The following PCDHAC1 variants were observed in gnomAD, a reference collection of about 807,000 sequenced individuals.
PCDHAC1 encodes the protein protocadherin alpha subfamily C, 1, also known as protocadherin alpha-C1.
A neutral mutation model predicts 60.0 loss-of-function variants in PCDHAC1; 42 were observed. That is an observed-to-expected ratio of 0.70 (90% CI 0.55 to 0.90). The LOEUF is 0.90. Among genes scored for constraint, PCDHAC1 ranks in the 40% least tolerant of loss-of-function variants. The pLI, the probability that PCDHAC1 is intolerant of heterozygous loss-of-function variation, is 0.00. For missense variants in PCDHAC1, 1,160 were observed against 1,222.3 expected, an observed-to-expected ratio of 0.95 and a Z score of 0.76; for synonymous variants, 468 against 499.3, an observed-to-expected ratio of 0.94 and a Z score of 0.84.
At position 140,928,683 on chromosome 5, in the gene PCDHAC1, C is replaced by T. The variant is rs868920923; in HGVS notation, c.1791C>T (p.Ser597=). ...ACAGTGGTTCTAATGCCTGGCTTTC[C>T]TACCACATCTCCCGGGCGTCTGACT... ...DADSGSNAWL[S]YHISRASDSS... is the part of the protein sequence containing the mutation. The change falls in exon 1 of 4, where the codon TCC becomes TCT. Residue 597 remains serine, a synonymous_variant. Transcript: ENST00000253807. 3.7e-6 allele frequency: 6 copies of T among 1,614,172 alleles called. No individual in the cohort carries two copies. In the Middle Eastern group the frequency reaches 6.6e-4, roughly 178 times the overall value.
intron 1 of PCDHAC1, among the ~76,000 whole-genome samples, chr5:140,978,524 C>G (rs1554239389): frequency 2.0e-5 from 3 of 152,208 alleles, no homozygotes; most frequent in Admixed American, 6.5e-5. Context: ...TCCAGCCAGG[C>G]CAGCAGAACT....
Position 141,010,990 on chromosome 5 carries a change from A to G in PCDHAC1, c.*1053A>G, listed in dbSNP as rs1399914066. The stretch of plus-strand genomic sequence containing the variant: ...GTGCTTTAAGAGAATTGCCTGAAAC[A>G]TCTGTATTATATCGGCCACCTGCCA... On this transcript the variant is annotated 3_prime_UTR_variant, in exon 4 of 4. Transcript: ENST00000253807. The G allele has an allele frequency of 6.5e-6, 1 of 153,770 alleles. No individual in the cohort carries two copies. Among genetic ancestry groups the G allele is most frequent in the Non-Finnish European group, 1.5e-5 (1 of 68,054 alleles). 9.5% of individuals were successfully genotyped at this position (153,770 alleles called of 1,614,324 possible). A position where few individuals can be genotyped will look rare whatever the true frequency, so the allele number is the denominator to read the frequency against.
Position 140,926,793 on chromosome 5 carries a change from G to T in PCDHAC1, c.-100G>T, listed in dbSNP as rs2083556626. The T allele has an allele frequency of 1.4e-6, 2 of 1,444,034 alleles. No homozygotes were observed. The highest frequency in any genetic ancestry group is 5.5e-5 in the Admixed American group (2 of 36,616). The allele number at this position is 1,444,034 out of a possible 1,614,324, so 89.5% of individuals were successfully genotyped here. ...CGCAGCAGTGACGGCCGGCAGGAGC[G>T]TGCTCTTCCCCGCGGCTCGTGCTCT... On this transcript the variant is annotated 5_prime_UTR_variant, in exon 1 of 4. Coordinates refer to ENST00000253807, the MANE Select transcript of PCDHAC1 (RefSeq NM_018898.5).
In PCDHAC1 at chr5:141,010,605, A is replaced by G. The variant is rs2098417765; in HGVS notation, c.*668A>G. ...AAAGTCTGTTGGCTGTGACGTCATT[A>G]TACCTAAAATCTGCATCATACCTGC... On this transcript the variant is annotated 3_prime_UTR_variant, in exon 4 of 4. Transcript: ENST00000253807. 1 of 206,202 alleles carries G rather than the reference A, an allele frequency of 4.8e-6. No individual in the cohort carries two copies. Among genetic ancestry groups the G allele is most frequent in the Non-Finnish European group, 9.9e-6 (1 of 101,122 alleles). 12.8% of individuals were successfully genotyped at this position (206,202 alleles called of 1,614,324 possible). A position where few individuals can be genotyped will look rare whatever the true frequency, so the allele number is the denominator to read the frequency against.
intron 3 of PCDHAC1, among the ~76,000 whole-genome samples, chr5:140,983,005 A>G (rs1468544114): frequency 2.0e-5 from 3 of 152,110 alleles, no homozygotes; most frequent in African/African-American, 4.8e-5. Flanking sequence ...AAAGAAAGAA[A>G]AAGGAAGGAA....
chr5:140,965,193 A>G (rs1232668450), intron 1 of PCDHAC1, among the ~76,000 whole-genome samples: 1 of 152,252 alleles, frequency 6.6e-6, no homozygotes, highest in East Asian at 1.9e-4. Flanking sequence ...CACATGAGGC[A>G]ATAGATTTCA....
chr5:140,935,380 A>C (rs1188418457), intron 1 of PCDHAC1, among the ~76,000 whole-genome samples: 1 of 152,220 alleles, frequency 6.6e-6, no homozygotes, highest in Non-Finnish European at 1.5e-5. Context: ...AGAATTACTC[A>C]TTTGTTATCC....
chr5:140,960,597 C>T (rs1315375637), intron 1 of PCDHAC1, among the ~76,000 whole-genome samples: 1 of 152,092 alleles, frequency 6.6e-6, no homozygotes, highest in South Asian at 2.1e-4. Context: ...ATTCAAGGTA[C>T]TTCAACAATA....
chr5:140,961,477 G>T (rs2095615587), intron 1 of PCDHAC1, among the ~76,000 whole-genome samples: 1 of 152,006 alleles, frequency 6.6e-6, no homozygotes, highest in African/African-American at 2.4e-5. Flanking sequence ...TTTTTGTCTT[G>T]TCCACGTGAG....
chr5:140,935,996 G>A (rs145363850), intron 1 of PCDHAC1, among the ~76,000 whole-genome samples: 2 of 150,844 alleles, frequency 1.3e-5, no homozygotes, highest in African/African-American at 4.9e-5. Context: ...GGGTTCAAGC[G>A]ATTCTCCCAC....
chr5:140,993,596 A>G (rs562427268), intron 3 of PCDHAC1, among the ~76,000 whole-genome samples: 53 of 152,194 alleles, frequency 3.5e-4, no homozygotes, highest in Admixed American at 2.6e-4. Flanking sequence ...CTTGGCTCCA[A>G]TAGAGAATTT....
intron 1 of PCDHAC1, among the ~76,000 whole-genome samples, chr5:140,938,848 G>T (rs1554212426): frequency 6.6e-6 from 1 of 151,980 alleles, no homozygotes; most frequent in Non-Finnish European, 1.5e-5. Flanking sequence ...ACCTGCCCAT[G>T]TACCCCTGAA....
chr5:141,002,612 CA>C, intron 3 of PCDHAC1, among the ~76,000 whole-genome samples: 1 of 152,178 alleles, frequency 6.6e-6, no homozygotes, highest in Non-Finnish European at 1.5e-5. Flanking sequence ...AAAACAGACA[CA>C]TAACACAGAC....
At chr5:141,000,410 TA>T (rs2097918693) in intron 3 of PCDHAC1, among the ~76,000 whole-genome samples, 2 of 101,940 alleles carry the variant, frequency 2.0e-5, no homozygotes, top group African/African-American at 7.8e-5. Flanking sequence ...TATATATATA[TA>T]TATATATATA....
intron 1 of PCDHAC1, among the ~76,000 whole-genome samples, chr5:140,954,472 G>T (rs1031225118): frequency 8.5e-5 from 13 of 152,182 alleles, no homozygotes; most frequent in Admixed American, 6.5e-5. Context: ...TCTGACTGGT[G>T]TGAGAAGATA....
chr5:141,003,511 C>T (rs2098128112), intron 3 of PCDHAC1, among the ~76,000 whole-genome samples: 2 of 152,114 alleles, frequency 1.3e-5, no homozygotes, highest in African/African-American at 4.8e-5. Flanking sequence ...TGGGGTTTCA[C>T]CATGTTCCCT....
intron 1 of PCDHAC1, among the ~76,000 whole-genome samples, chr5:140,970,569 C>T (rs1346474165): frequency 3.9e-5 from 6 of 152,038 alleles, no homozygotes; most frequent in African/African-American, 1.4e-4. Flanking sequence ...CATATGTATG[C>T]TTGAAATAAC....
chr5:140,941,936 T>G (rs901567070), intron 1 of PCDHAC1, among the ~76,000 whole-genome samples: 7 of 152,362 alleles, frequency 4.6e-5, no homozygotes, highest in Non-Finnish European at 7.3e-5. Flanking sequence ...ATATTTGAAT[T>G]ACTTTTGTTT....
At position 141,010,147 on chromosome 5, in the gene PCDHAC1, C is replaced by A; in HGVS notation, c.*210C>A. ...AAGTCTGGTGTTAACTCTTTCTCTC[C>A]ACTCTGGCTTGTTTTCAGAACCTAA... On this transcript the variant is annotated 3_prime_UTR_variant, in exon 4 of 4. Coordinates refer to ENST00000253807, the MANE Select transcript of PCDHAC1 (RefSeq NM_018898.5). 1 of 1,583,190 alleles carries A rather than the reference C, an allele frequency of 6.3e-7. No individual in the cohort carries two copies. Among genetic ancestry groups the A allele is most frequent in the Non-Finnish European group, 8.6e-7 (1 of 1,163,606 alleles).
Sources: allele counts gnomAD v4.1 joint callset (sites outside exome capture counted in the v4.1 genomes callset), GRCh38; gene constraint gnomAD v4.1.1; transcripts MANE v1.5; gene names NCBI Gene and HGNC (gene_info 2026-07-23, HGNC 2026-07-21).